Variants in ASTN2 observed in about 807,000 individuals in gnomAD.
ASTN2 encodes the protein astrotactin-2.
A neutral mutation model predicts 139.8 loss-of-function variants in ASTN2; 54 were observed. The observed-to-expected ratio is 0.39, with a 90% CI of 0.31 to 0.48. ASTN2 has a LOEUF of 0.48. ASTN2 is among the 20% of genes least tolerant of loss of function. The probability of loss-of-function intolerance (pLI) is 0.95; values close to 1 mark genes in which losing one functional copy is unlikely to be tolerated. For missense variants in ASTN2, 1,565 were observed against 1,725.1 expected, an observed-to-expected ratio of 0.91 and a Z score of 1.64; for synonymous variants, 756 against 719.5, an observed-to-expected ratio of 1.05 and a Z score of -0.81.
At chr9:117,200,840 C>A (rs376641450) in intron 3 of ASTN2, among the ~76,000 whole-genome samples, 2 of 152,030 alleles carry the variant, frequency 1.3e-5, no homozygotes, top group Non-Finnish European at 2.9e-5. Flanking sequence ...TGTTGTGTCT[C>A]TTCCCAGTTT....
intron 10 of ASTN2, among the ~76,000 whole-genome samples, chr9:116,902,305 A>C (rs1834032222): frequency 6.6e-6 from 1 of 152,202 alleles, no homozygotes; most frequent in South Asian, 2.1e-4. Flanking sequence ...GAAAAGTTTA[A>C]AAAATAAAAA....
chr9:117,341,765 A>T (rs1392123976), intron 1 of ASTN2, among the ~76,000 whole-genome samples: 1 of 152,202 alleles, frequency 6.6e-6, no homozygotes, highest in Non-Finnish European at 1.5e-5. Context: ...ACAAAGTGAG[A>T]GGTCTCTGTG....
intron 13 of ASTN2, among the ~76,000 whole-genome samples, chr9:116,749,394 CT>C (rs1484419011): frequency 6.6e-6 from 1 of 152,138 alleles, no homozygotes; most frequent in African/African-American, 2.4e-5. Flanking sequence ...AATGAGAATA[CT>C]GGACATATGG....
At chr9:117,318,514 T>C (rs894222447) in intron 1 of ASTN2, among the ~76,000 whole-genome samples, 15 of 152,278 alleles carry the variant, frequency 9.9e-5, no homozygotes, top group African/African-American at 3.6e-4. Flanking sequence ...AGTTATCAGA[T>C]GTTGAAGAGC....
intron 19 of ASTN2, among the ~76,000 whole-genome samples, chr9:116,494,399 C>T (rs1438348191): frequency 1.3e-5 from 2 of 152,172 alleles, no homozygotes; most frequent in South Asian, 4.1e-4. Flanking sequence ...CTCACCCCTG[C>T]TCCCTCAGGT....
intron 2 of ASTN2, among the ~76,000 whole-genome samples, chr9:117,267,271 G>C (rs1223189380): frequency 6.6e-6 from 1 of 152,188 alleles, no homozygotes; most frequent in Non-Finnish European, 1.5e-5. Flanking sequence ...AGACCATGGA[G>C]ACATGAGAGC....
chr9:116,523,951 T>C (rs1340007743), intron 19 of ASTN2, among the ~76,000 whole-genome samples: 1 of 152,192 alleles, frequency 6.6e-6, no homozygotes, highest in Non-Finnish European at 1.5e-5. Flanking sequence ...ATGCATGGAC[T>C]ATATTTTATG....
chr9:116,944,633 G>A (rs970454958), intron 10 of ASTN2, among the ~76,000 whole-genome samples: 2 of 129,878 alleles, frequency 1.5e-5, no homozygotes, highest in Admixed American at 9.5e-5. Context: ...AGTGAGTCGA[G>A]ATCATGCCAC....
intron 16 of ASTN2, among the ~76,000 whole-genome samples, chr9:116,671,519 G>A (rs1303531054): frequency 6.6e-6 from 1 of 152,004 alleles, no homozygotes; most frequent in African/African-American, 2.4e-5. Context: ...TTGGGGTGGG[G>A]GGAACAACTC....
chr9:116,956,432 C>CAT (rs900032231), intron 10 of ASTN2, among the ~76,000 whole-genome samples: 2 of 147,556 alleles, frequency 1.4e-5, no homozygotes, highest in Non-Finnish European at 3.0e-5. Flanking sequence ...GGCCTTTTTT[C>CAT]ATATATATTA....
rs534953906 is a variant in ASTN2 at position 117,073,724 on chromosome 9, T to C, written c.1276+22320A>G. ...AATTATGTCGACAACCACTGGGGGG[T>C]GCTCTTGGGTAACTCCAGCAATGGG... On this transcript the variant is annotated intron_variant, in intron 5 of 22. Transcript: ENST00000313400. Among the ~76,000 whole-genome samples the C allele has an allele frequency of 3.9e-5, 6 of 151,924 alleles. No homozygotes were observed. The South Asian group carries it at 1.3e-3, about 32-fold the overall frequency.
chr9:117,120,018 G>GTGTATGTATA (rs1306397698), intron 4 of ASTN2, among the ~76,000 whole-genome samples: 4 of 46,000 alleles, frequency 8.7e-5, no homozygotes, highest in Non-Finnish European at 1.6e-4. Context: ...GTGTGTGTGT[G>GTGTATGTATA]TATATATATA....
chr9:116,509,531 G>T (rs998175595), intron 19 of ASTN2, among the ~76,000 whole-genome samples: 1 of 152,082 alleles, frequency 6.6e-6, no homozygotes, highest in Non-Finnish European at 1.5e-5. Flanking sequence ...CCCAGTAATG[G>T]GATGGCTGGG....
chr9:116,745,988 T>A (rs577522532), intron 13 of ASTN2, among the ~76,000 whole-genome samples: 2 of 151,894 alleles, frequency 1.3e-5, no homozygotes, highest in Non-Finnish European at 2.9e-5. Context: ...TAGGGGAGAG[T>A]TGACTTCCTT....
chr9:116,430,603 C>T (rs952835624), intron 22 of ASTN2, among the ~76,000 whole-genome samples: 2 of 152,192 alleles, frequency 1.3e-5, no homozygotes, highest in Non-Finnish European at 2.9e-5. Context: ...AGTCACTTCA[C>T]CTCCCTAAGC....
At chr9:116,972,816 C>T (rs1159026097) in intron 10 of ASTN2, among the ~76,000 whole-genome samples, 2 of 152,158 alleles carry the variant, frequency 1.3e-5, no homozygotes, top group African/African-American at 4.8e-5. Flanking sequence ...TCAAGTTTTC[C>T]TTTCCAATCC....
At chr9:116,838,309 C>T (rs954636183) in intron 11 of ASTN2, among the ~76,000 whole-genome samples, 26 of 151,904 alleles carry the variant, frequency 1.7e-4, no homozygotes, top group African/African-American at 6.3e-4. Context: ...GGGGTTTCTC[C>T]ATGTTGGTCA....
At chr9:117,055,230 G>A (rs1431171255) in intron 5 of ASTN2, among the ~76,000 whole-genome samples, 1 of 152,196 alleles carries the variant, frequency 6.6e-6, no homozygotes, top group Non-Finnish European at 1.5e-5. Context: ...AAAAATGTAA[G>A]TAAGTACCTA....
In ASTN2 at chr9:116,740,916, A is replaced by G. The variant is rs148344488; in HGVS notation, c.2397-7393T>C. ...CCCAGCACAGTGCCTTTCTCACTGT[A>G]TATGCCCCTGAGCATTTGTTGAACC... On this transcript the variant is annotated intron_variant, in intron 13 of 22. Coordinates refer to ENST00000313400, the MANE Select transcript of ASTN2 (RefSeq NM_001365068.1). Among the ~76,000 whole-genome samples, 1,053 of 151,518 alleles carry G rather than the reference A, an allele frequency of 6.9e-3. 4 individuals carry two copies. Among genetic ancestry groups the G allele is most frequent in the Non-Finnish European group, 0.011 (765 of 67,892 alleles).
Sources: allele counts gnomAD v4.1 joint callset (sites outside exome capture counted in the v4.1 genomes callset), GRCh38; gene constraint gnomAD v4.1.1; transcripts MANE v1.5; gene names NCBI Gene and HGNC (gene_info 2026-07-23, HGNC 2026-07-21).